Variants in ANAPC7 observed in about 807,000 individuals in gnomAD.
ANAPC7 encodes the protein anaphase promoting complex subunit 7.
ANAPC7 carries 25 observed loss-of-function variants against 63.3 expected under a neutral mutation model. The observed-to-expected ratio is 0.39, with a 90% CI of 0.29 to 0.55. The LOEUF (loss-of-function observed/expected upper bound fraction) is 0.55, where lower values mean the gene tolerates loss of function less well. ANAPC7 is among the 20% of genes least tolerant of loss of function. The pLI is 0.57. For synonymous variants in ANAPC7, 241 were observed against 251.7 expected (o/e 0.96, Z 0.40); for missense variants, 516 against 691.7 (o/e 0.75, Z 2.85).
At position 110,381,882 on chromosome 12, in the gene ANAPC7, C is replaced by T. The variant is rs1881876550; in HGVS notation, c.1002G>A (p.Leu334=). ...GCAGAGCTTGAACACTATTACTGTT[C>T]AGCTGAATGGCCTTGGCTCCTAAAT... ...ALYLGAKAIQ[L]NSNSVQALLL... The change falls in exon 8 of 11, where the codon CTG becomes CTA. Residue 334 remains leucine, a synonymous_variant. Coordinates refer to ENST00000455511, the MANE Select transcript of ANAPC7 (RefSeq NM_016238.3). 2 of 1,587,490 alleles carry T rather than the reference C, an allele frequency of 1.3e-6. No individual in the cohort carries two copies. The highest frequency in any genetic ancestry group is 1.7e-6 in the Non-Finnish European group (2 of 1,166,112).
chr12:110,403,672 A>C lies in ANAPC7; in HGVS notation c.-45T>G. The C allele has an allele frequency of 6.4e-7, 1 of 1,559,692 alleles. No individual in the cohort carries two copies. The highest frequency in any genetic ancestry group is 8.7e-7 in the Non-Finnish European group (1 of 1,151,118). On this transcript the variant is annotated 5_prime_UTR_variant, in exon 1 of 11. Transcript: ENST00000455511. ...GGCAGCGGCGGCAGCACTGACTCGA[A>C]AAGCCGGTAGAGGATCCTTAGGGAA...
chr12:110,376,211 C>T lies in ANAPC7; in HGVS notation c.1363G>A (p.Glu455Lys), dbSNP rs371110033. The T allele has an allele frequency of 1.2e-6, 2 of 1,613,978 alleles. No individual in the cohort carries two copies. Among genetic ancestry groups the T allele is most frequent in the Non-Finnish European group, 1.7e-6 (2 of 1,180,008 alleles). The change falls in exon 10 of 11, where the codon GAA becomes AAA. Residue 455 changes from glutamate to lysine, a missense_variant. Coordinates refer to ENST00000455511, the MANE Select transcript of ANAPC7 (RefSeq NM_016238.3). ...VVKKAELLSR[E>K]QKYEDGIALL... Reference sequence around the variant, plus strand: ...GCAATTCCATCTTCATATTTCTGTTCTCTGCCTGGGGGAATAAAAAAGACC... The same window carrying T: ...GCAATTCCATCTTCATATTTCTGTTTTCTGCCTGGGGGAATAAAAAAGACC...
intron 3 of ANAPC7, among the ~76,000 whole-genome samples, chr12:110,392,774 G>A (rs1266344910): frequency 6.6e-6 from 1 of 151,976 alleles, no homozygotes; most frequent in Non-Finnish European, 1.5e-5. Flanking sequence ...ACTCAAACTA[G>A]ACACCAGATC....
intron 1 of ANAPC7, among the ~76,000 whole-genome samples, chr12:110,400,180 GAAAT>G (rs1416882959): frequency 6.6e-6 from 1 of 152,172 alleles, no homozygotes; most frequent in Non-Finnish European, 1.5e-5. Context: ...TATGTAGTGA[GAAAT>G]AACCATTTGA....
intron 6 of ANAPC7, among the ~76,000 whole-genome samples, chr12:110,383,886 AAAAAAAAAAAAAGAAAAAAAAAAG>A (rs1407888327): frequency 3.6e-5 from 5 of 140,078 alleles, no homozygotes; most frequent in Admixed American, 3.5e-4. Context: ...AAAAAAAAAA[AAAAAAAAAAAAAGAAAAAAAAAAG>A]AAAAAAGAAG....
intron 3 of ANAPC7, among the ~76,000 whole-genome samples, chr12:110,389,681 C>T (rs1365752223): frequency 6.6e-6 from 1 of 152,118 alleles, no homozygotes; most frequent in African/African-American, 2.4e-5. Flanking sequence ...CCTGTAATCC[C>T]AGCACTTTGG....
At chr12:110,390,074 A>G (rs754878727) in intron 3 of ANAPC7, among the ~76,000 whole-genome samples, 4 of 148,628 alleles carry the variant, frequency 2.7e-5, no homozygotes, top group Non-Finnish European at 6.0e-5. Context: ...TTAAAATTAG[A>G]TTTTTTTTTT....
intron 1 of ANAPC7, among the ~76,000 whole-genome samples, chr12:110,398,034 T>C (rs767863216): frequency 1.3e-5 from 2 of 151,998 alleles, no homozygotes; most frequent in African/African-American, 4.8e-5. Context: ...TCACTGAAGG[T>C]TGGGAGTTTG....
At position 110,377,556 on chromosome 12, in the gene ANAPC7, G is replaced by T. The variant is rs376652055; in HGVS notation, c.1194C>A (p.Asn398Lys). ...SIREAMVMAN[N>K]VYKTLGANAQ... The stretch of plus-strand genomic sequence containing the variant: ...CATTTGCTCCCAGAGTTTTGTAAAC[G>T]TTGTTAGCCATTACCATTGCTTCTC... Residue 398 changes from asparagine (N) to lysine (K), a missense_variant, in exon 9 of 11, where the codon AAC (asparagine) becomes AAA (lysine). Physicochemically the swap from Asn to Lys is moderately conservative, Grantham distance 94. This residue lies in a region of ANAPC7 where 122 missense variants were observed against 212.0 expected (regional missense o/e 0.58). Transcript: ENST00000455511. The T allele has an allele frequency of 6.2e-7, 1 of 1,614,136 alleles. No individual in the cohort carries two copies. The highest frequency in any genetic ancestry group is 8.5e-7 in the Non-Finnish European group (1 of 1,180,034).
Position 110,381,956 on chromosome 12 carries a change from A to G in ANAPC7, c.936-8T>C, listed in dbSNP as rs78217750. On this transcript the variant is annotated splice_polypyrimidine_tract_variant and splice_region_variant and intron_variant, in intron 7 of 10. Coordinates refer to ENST00000455511, the MANE Select transcript of ANAPC7 (RefSeq NM_016238.3). ...CTATAGAAGCTGTGACAGCTGGAGA[A>G]AAAAAAAAAAAAAAAAACACAAAAA... The G allele has an allele frequency of 0.23, 244,404 of 1,049,272 alleles. 6,092 individuals are homozygous for G. The highest frequency in any genetic ancestry group is 0.26 in the Admixed American group (6,187 of 23,852). The allele number at this position is 1,049,272 out of a possible 1,614,324, so 65.0% of individuals were successfully genotyped here.
chr12:110,382,930 C>T lies in ANAPC7; in HGVS notation c.848G>A (p.Arg283Gln), dbSNP rs776312502. Residue 283 changes from arginine to glutamine, a missense_variant, in exon 7 of 11, where the codon CGA (arginine) becomes CAA (glutamine). Arg to Gln is a conservative substitution (Grantham distance 43). Coordinates refer to ENST00000455511, the MANE Select transcript of ANAPC7 (RefSeq NM_016238.3). ...GMDVYGYLLA[R>Q]EGRLEDVENL... ...CTCAACATCCTCTAGCCGCCCTTCT[C>T]GTGCCAGTAGGTAGCCATATACATC... 15 of 1,613,664 alleles carry T rather than the reference C, an allele frequency of 9.3e-6. No homozygotes were observed. The highest frequency in any genetic ancestry group is 1.7e-5 in the Admixed American group (1 of 59,944).
At chr12:110,393,643 G>A (rs1883294638) in intron 3 of ANAPC7, among the ~76,000 whole-genome samples, 2 of 152,124 alleles carry the variant, frequency 1.3e-5, no homozygotes, top group African/African-American at 4.8e-5. Flanking sequence ...CGAGGTGGGT[G>A]GATCACCTGA....
intron 2 of ANAPC7, 55 bp from the exon 3 acceptor site, chr12:110,395,275 C>T: frequency 6.6e-7 from 1 of 1,516,550 alleles, no homozygotes; most frequent in Non-Finnish European, 8.9e-7. Context: ...TATGACAGTT[C>T]TTCAAAACGT....
chr12:110,395,339 G>A, intron 2 of ANAPC7, 119 bp from the exon 3 acceptor site: 1 of 978,698 alleles, frequency 1.0e-6, no homozygotes, highest in Non-Finnish European at 1.5e-6. Flanking sequence ...TTTTGAGACA[G>A]GGTCTCGCTC....
In ANAPC7 at chr12:110,374,092, CG is replaced by C. The variant is rs1881038489; in HGVS notation, c.*51del. 6.5e-7 allele frequency: 1 copy of C among 1,531,722 alleles called. No homozygotes were observed. Among genetic ancestry groups the C allele is most frequent in the Admixed American group, 1.9e-5 (1 of 51,554 alleles). The allele number at this position is 1,531,722 out of a possible 1,614,324, so 94.9% of individuals were successfully genotyped here. Reference sequence around the variant, plus strand: ...AGGCTCCTACGGTTCCTTCAGTCCACGGAAGTGCTCAGAGCAGGGCAGGCCA... The same window carrying C: ...AGGCTCCTACGGTTCCTTCAGTCCACGAAGTGCTCAGAGCAGGGCAGGCCA... On this transcript the variant is annotated 3_prime_UTR_variant, in exon 11 of 11. Coordinates refer to ENST00000455511, the MANE Select transcript of ANAPC7 (RefSeq NM_016238.3).
rs1277531777 is a variant in ANAPC7, at chr12:110,382,931, G to A, written c.847C>T (p.Arg283Ter). The change falls in exon 7 of 11, where the codon CGA (arginine) becomes TGA (stop). Residue 283 changes from arginine to a stop codon, truncating the protein, a stop_gained. Coordinates refer to ENST00000455511, the MANE Select transcript of ANAPC7 (RefSeq NM_016238.3). LOFTEE classifies it high-confidence loss of function. ...TCAACATCCTCTAGCCGCCCTTCTC[G>A]TGCCAGTAGGTAGCCATATACATCC... is the stretch of plus-strand genomic sequence containing the variant. ...GMDVYGYLLAREGRLEDVENL... is the reference protein window; with the variant it reads ...GMDVYGYLLA 3.7e-6 allele frequency: 6 copies of A among 1,613,568 alleles called. No individual in the cohort carries two copies. Among genetic ancestry groups the A allele is most frequent in the Non-Finnish European group, 5.1e-6 (6 of 1,179,804 alleles).
At position 110,382,834 on chromosome 12, in the gene ANAPC7, T is replaced by C. The variant is rs1882067687; in HGVS notation, c.935+9A>G. ...ACAACTGGGGAGAAAAGAGAATGCA[T>C]AATCATACCCAGAAACCACCCACGG... On this transcript the variant is annotated intron_variant, in intron 7 of 10. Coordinates refer to ENST00000455511, the MANE Select transcript of ANAPC7 (RefSeq NM_016238.3). 3 of 1,603,842 alleles carry C rather than the reference T, an allele frequency of 1.9e-6. No homozygotes were observed. Among genetic ancestry groups the C allele is most frequent in the Admixed American group, 1.7e-5 (1 of 59,280 alleles).
At chr12:110,382,524 C>T (rs1475358983) in intron 7 of ANAPC7, among the ~76,000 whole-genome samples, 1 of 128,914 alleles carries the variant, frequency 7.8e-6, no homozygotes, top group African/African-American at 2.9e-5. Flanking sequence ...GCTACATTGC[C>T]CATGCTGGTC....
At chr12:110,388,938 T>C (rs969221963) in intron 3 of ANAPC7, among the ~76,000 whole-genome samples, 5 of 151,502 alleles carry the variant, frequency 3.3e-5, no homozygotes, top group African/African-American at 9.7e-5. Flanking sequence ...AAAAATTAGC[T>C]GGGCGTGGTG....
Sources: allele counts gnomAD v4.1 joint callset (sites outside exome capture counted in the v4.1 genomes callset), GRCh38; gene constraint gnomAD v4.1.1; regional missense constraint gnomAD v4.1.1; transcripts MANE v1.5; gene names NCBI Gene and HGNC (gene_info 2026-07-23, HGNC 2026-07-21).